Variants in GBP1 observed in about 807,000 individuals in gnomAD.
GBP1 encodes the protein guanylate binding protein 1.
In GBP1, 64 loss-of-function variants were observed where a neutral mutation model predicts 69.5. The ratio of observed to expected loss-of-function variants is 0.92; its 90% confidence interval spans 0.75 to 1.13. The LOEUF (loss-of-function observed/expected upper bound fraction) is 1.13. GBP1 is among the 50% of genes most tolerant of loss of function. The probability of loss-of-function intolerance (pLI) is 0.00; values close to 1 mark genes in which losing one functional copy is unlikely to be tolerated. For missense variants in GBP1, 630 were observed against 704.1 expected, an observed-to-expected ratio of 0.89 and a Z score of 1.19; for synonymous variants, 250 against 261.2, an observed-to-expected ratio of 0.96 and a Z score of 0.41.
intron 1 of GBP1, among the ~76,000 whole-genome samples, chr1:89,063,529 A>G (rs1350590420): frequency 6.6e-6 from 1 of 152,220 alleles, no homozygotes; most frequent in Non-Finnish European, 1.5e-5. Context: ...GATTCTTATT[A>G]GATATTTTCA....
In GBP1 at chr1:89,056,856, C is replaced by G. The variant is rs1680060451; in HGVS notation, c.1153G>C (p.Ala385Pro). The G allele has an allele frequency of 6.2e-7, 1 of 1,613,764 alleles. No homozygotes were observed. Among genetic ancestry groups the G allele is most frequent in the East Asian group, 2.2e-5 (1 of 44,880 alleles). Reference sequence around the variant, plus strand: ...TATACATTTGAGACAAAAATTACCGCTAACTCCTTTTGAAATAGATGGTCC... The same window carrying G: ...TATACATTTGAGACAAAAATTACCGGTAACTCCTTTTGAAATAGATGGTCC... The part of the protein sequence containing the change: ...DVDHLFQKEL[A>P]AQLEKKRDDF... The change falls in exon 7 of 11, where the codon GCG (alanine) becomes CCG (proline). Residue 385 changes from alanine to proline, a missense_variant and splice_region_variant. Ala to Pro is a conservative substitution (Grantham distance 27, BLOSUM62 -1). Coordinates refer to ENST00000370473, the MANE Select transcript of GBP1 (RefSeq NM_002053.3).
Position 89,055,147 on chromosome 1 carries a change from G to T in GBP1, c.1437C>A (p.Asp479Glu), listed in dbSNP as rs1462348498. Residue 479 changes from aspartate (D) to glutamate (E), a missense_variant, in exon 9 of 11, where the codon GAC (aspartate) becomes GAA (glutamate). By Grantham distance (45) the Asp-to-Glu change is conservative (BLOSUM62 2). This residue lies in a region of GBP1 where 35 missense variants were observed against 68.6 expected (regional missense o/e 0.51). Coordinates refer to ENST00000370473, the MANE Select transcript of GBP1 (RefSeq NM_002053.3). ...ESMTDAILQT[D>E]QTLTEKEKEI... ...CCTTTTCTTTTTCTGTGAGAGTCTGGTCTGTCTGGAGAATTGCATCAGTCA... is the reference window on the plus strand; with the variant it reads ...CCTTTTCTTTTTCTGTGAGAGTCTGTTCTGTCTGGAGAATTGCATCAGTCA... 2 of 1,612,188 alleles carry T rather than the reference G, an allele frequency of 1.2e-6. No homozygotes were observed. The highest frequency in any genetic ancestry group is 4.5e-5 in the East Asian group (2 of 44,872).
chr1:89,058,817 T>C (rs745477400), intron 5 of GBP1, 24 bp downstream of exon 5: 2 of 1,609,980 alleles, frequency 1.2e-6, no homozygotes, highest in Non-Finnish European at 1.7e-6. Context: ...TCATCCTCAT[T>C]TATCAGTTGA....
intron 10 of GBP1, among the ~76,000 whole-genome samples, chr1:89,054,041 A>T (rs1245498016): frequency 1.3e-5 from 2 of 152,164 alleles, no homozygotes; most frequent in African/African-American, 4.8e-5. Context: ...TCTTTTTGGA[A>T]CCTTTGTTTC....
At chr1:89,061,914 C>T (rs753376329) in intron 2 of GBP1, among the ~76,000 whole-genome samples, 1 of 151,732 alleles carries the variant, frequency 6.6e-6, no homozygotes, top group African/African-American at 2.4e-5. Context: ...TGCTCAACAT[C>T]ACTAGTCATT....
At chr1:89,063,942 C>T (rs1460662157) in intron 1 of GBP1, among the ~76,000 whole-genome samples, 1 of 152,010 alleles carries the variant, frequency 6.6e-6, no homozygotes, top group Non-Finnish European at 1.5e-5. Flanking sequence ...ATTAGAGTCA[C>T]GATAAGATAG....
Position 89,058,191 on chromosome 1 carries a change from A to G in GBP1, c.675T>C (p.Cys225=), listed in dbSNP as rs770404961. The change falls in exon 6 of 11, where the codon TGT becomes TGC. Residue 225 remains cysteine (C), a synonymous_variant. Coordinates refer to ENST00000370473, the MANE Select transcript of GBP1 (RefSeq NM_002053.3). ...KDETFNLPRL[C]IRKFFPKKKC... ...TTTTCTTTGGGAAGAATTTCCGGAT[A>G]CAGAGTCTGGGCAGGTTAAAAGTTT... 4.3e-6 allele frequency: 7 copies of G among 1,614,006 alleles called. No individual in the cohort carries two copies. Among genetic ancestry groups the G allele is most frequent in the Non-Finnish European group, 4.2e-6 (5 of 1,179,934 alleles).
chr1:89,054,347 G>T (rs575825524), intron 10 of GBP1, among the ~76,000 whole-genome samples: 1 of 152,016 alleles, frequency 6.6e-6, no homozygotes, highest in Non-Finnish European at 1.5e-5. Context: ...TGATCCGCCC[G>T]CCTTGGCCTC....
rs566338058 is a variant in GBP1 at position 89,064,267 on chromosome 1, G to T, written c.-20+893C>A. On this transcript the variant is annotated intron_variant, in intron 1 of 10. Coordinates refer to ENST00000370473, the MANE Select transcript of GBP1 (RefSeq NM_002053.3). The stretch of plus-strand genomic sequence containing the variant: ...AGAGAGAGAGAGAGAGAGAGAGAGA[G>T]AGAGAGAGGAGCTGTCAGACCAGAG... Among the ~76,000 whole-genome samples the T allele has an allele frequency of 2.4e-3, 366 of 150,478 alleles. 4 individuals are homozygous for T. Among genetic ancestry groups the T allele is most frequent in the African/African-American group, 8.7e-3 (354 of 40,536 alleles).
At chr1:89,059,929 C>T (rs894137559) in intron 3 of GBP1, among the ~76,000 whole-genome samples, 9 of 152,032 alleles carry the variant, frequency 5.9e-5, no homozygotes, top group African/African-American at 1.4e-4. Context: ...AATGCTGAGG[C>T]GAAAATAAGT....
rs952412230 is a variant in GBP1 at position 89,054,249 on chromosome 1, G to A, written c.1665+433C>T. On this transcript the variant is annotated intron_variant, in intron 10 of 10. Coordinates refer to ENST00000370473, the MANE Select transcript of GBP1 (RefSeq NM_002053.3). ...TGAGTAGCTGGGACTACAGGTGCCC[G>A]CCACCACATCTAGCTAAATTTTTTG... 4.6e-5 allele frequency among the ~76,000 whole-genome samples: 7 copies of A among 151,900 alleles called. No homozygotes were observed. In the East Asian group the frequency reaches 9.7e-4, roughly 21 times the overall value.
intron 10 of GBP1, 23 bp downstream of exon 10, chr1:89,054,659 C>G (rs773563550): frequency 6.2e-7 from 1 of 1,600,786 alleles, no homozygotes; most frequent in Non-Finnish European, 8.6e-7. Context: ...AAACAGAAAC[C>G]TCAAGGTGAT....
chr1:89,062,923 T>C (rs1680235673), intron 2 of GBP1, 122 bp downstream of exon 2: 1 of 1,217,280 alleles, frequency 8.2e-7, no homozygotes, highest in African/African-American at 1.5e-5. Flanking sequence ...AGCCCGACTG[T>C]GAATGGAAAG....
chr1:89,053,371 G>A lies in GBP1; in HGVS notation c.1763C>T (p.Ala588Val). The A allele has an allele frequency of 6.2e-7, 1 of 1,613,176 alleles. No homozygotes were observed. Among genetic ancestry groups the A allele is most frequent in the Non-Finnish European group, 8.5e-7 (1 of 1,179,766 alleles). ...CTCTGGTCTTTAGCTTATGGTACATGCCTTTCGTCGTCTCATTTTCGTCTG... is the reference window on the plus strand; with the variant it reads ...CTCTGGTCTTTAGCTTATGGTACATACCTTTCGTCGTCTCATTTTCGTCTG... The part of the protein sequence containing the change: ...DLQTKMRRRK[A>V]CTIS The change falls in exon 11 of 11, where the codon GCA becomes GTA. Residue 588 changes from alanine to valine, a missense_variant. Transcript: ENST00000370473.
intron 10 of GBP1, among the ~76,000 whole-genome samples, chr1:89,054,291 G>A (rs1012661026): frequency 6.6e-5 from 10 of 151,912 alleles, no homozygotes; most frequent in Admixed American, 2.6e-4. Context: ...TAGTAGTGAC[G>A]GGATTTCACC....
rs750714490 is a variant in GBP1, at chr1:89,053,413, T to G, written c.1721A>C (p.Asn574Thr). The change falls in exon 11 of 11, where the codon AAT (asparagine) becomes ACT (threonine). Residue 574 changes from asparagine (N) to threonine (T), a missense_variant. Transcript: ENST00000370473. The stretch of plus-strand genomic sequence containing the variant: ...TTTCGTCTGGAGATCCTGTATCTCA[T>G]TTTTCATTATTCTGCTTTCTTTTTG... ...GFQKESRIMKNEIQDLQTKMR... is the reference protein window; with the variant it reads ...GFQKESRIMKTEIQDLQTKMR... 17 of 1,613,850 alleles carry G rather than the reference T, an allele frequency of 1.1e-5. No homozygotes were observed. The Admixed American group carries it at 2.0e-4, about 19-fold the overall frequency.
intron 5 of GBP1, chr1:89,058,598 T>C: frequency 1.7e-6 from 1 of 579,478 alleles, no homozygotes; most frequent in South Asian, 2.1e-5. Flanking sequence ...GGCAGGGAGA[T>C]AAAATTAACC....
intron 8 of GBP1, chr1:89,055,655 C>A: frequency 2.6e-6 from 1 of 379,624 alleles, no homozygotes; most frequent in Non-Finnish European, 4.9e-6. Flanking sequence ...AAACCTTAGA[C>A]CCACCTGACC....
Position 89,058,205 on chromosome 1 carries a change from G to A in GBP1, c.661C>T (p.Leu221=). ...GTSQKDETFN[L]PRLCIRKFFP... ...AATTTCCGGATACAGAGTCTGGGCA[G>A]GTTAAAAGTTTCATCTTTTTGACTG... Residue 221 remains leucine, a synonymous_variant, in exon 6 of 11, where the codon CTG becomes TTG. Transcript: ENST00000370473. The A allele has an allele frequency of 1.9e-6, 3 of 1,595,708 alleles. No homozygotes were observed. Among genetic ancestry groups the A allele is most frequent in the South Asian group, 1.1e-5 (1 of 87,144 alleles).
Sources: gnomAD v4.1 joint callset for allele counts (sites outside exome capture counted in the v4.1 genomes callset) on GRCh38, gnomAD v4.1.1 for gene constraint, gnomAD v4.1.1 regional missense constraint, MANE v1.5 for transcripts, NCBI Gene and HGNC (gene_info 2026-07-23, HGNC 2026-07-21) for gene names.